The following MFSD12 variants were observed in gnomAD, a reference collection of about 807,000 sequenced individuals.
The protein encoded by MFSD12 is major facilitator superfamily domain containing 12, also known as major facilitator superfamily domain-containing protein 12.
MFSD12 carries 67 observed loss-of-function variants against 51.2 expected under a neutral mutation model. That is an observed-to-expected ratio of 1.31 (90% CI 1.08 to 1.60). The LOEUF (loss-of-function observed/expected upper bound fraction) is 1.60. Ranked by LOEUF, MFSD12 falls within the 40% of genes most tolerant of loss-of-function variation. The pLI is 0.00. For synonymous variants in MFSD12, 441 were observed against 316.7 expected, an observed-to-expected ratio of 1.39 and a Z score of -4.17; for missense variants, 921 against 673.0, an observed-to-expected ratio of 1.37 and a Z score of -4.08.
downstream of MFSD12, chr19:3,543,895 C>T (rs760915025): frequency 3.4e-5 from 53 of 1,550,916 alleles, no homozygotes; most frequent in African/African-American, 1.4e-4. Context: ...CCCTCCCTGT[C>T]GGCACCCCAG....
At chr19:3,544,180 A>C, downstream of MFSD12, 1 of 1,367,386 alleles carries the variant, frequency 7.3e-7, no homozygotes, top group Non-Finnish European at 9.5e-7. Flanking sequence ...GCCCCCCCGC[A>C]GGCAGACAGG....
Position 3,544,245 on chromosome 19 carries a change from C to A in MFSD12, c.*465G>T. 1 of 1,276,162 alleles carries A rather than the reference C, an allele frequency of 7.8e-7. No individual in the cohort carries two copies. The highest frequency in any genetic ancestry group is 9.9e-7 in the Non-Finnish European group (1 of 1,009,900). 79.1% of individuals were successfully genotyped at this position (1,276,162 alleles called of 1,614,324 possible). ...TGCCAGCAGAGTCCACCAAGCCTGC[C>A]GGGCAGCCCTGCTGCCCACCACGGT... On this transcript the variant is annotated 3_prime_UTR_variant, in exon 10 of 10. Coordinates refer to ENST00000355415, the MANE Select transcript of MFSD12 (RefSeq NM_174983.5).
intron 2 of MFSD12, among the ~76,000 whole-genome samples, chr19:3,549,186 C>T (rs576606467): frequency 4.6e-5 from 7 of 152,286 alleles, no homozygotes; most frequent in African/African-American, 1.4e-4. Flanking sequence ...CCTCTTCCAG[C>T]GCCTCTAGCA....
At chr19:3,550,852 C>G (rs1382538488) in intron 2 of MFSD12, 132 bp downstream of exon 2, 1 of 760,944 alleles carries the variant, frequency 1.3e-6, no homozygotes, top group Non-Finnish European at 2.1e-6. Flanking sequence ...GACCCCCTTT[C>G]AAAAAAATAA....
intron 2 of MFSD12, among the ~76,000 whole-genome samples, chr19:3,548,544 A>C (rs905557833): frequency 1.3e-5 from 2 of 152,174 alleles, no homozygotes; most frequent in Admixed American, 6.5e-5. Flanking sequence ...CTACAACCCA[A>C]AAGTCTGAGA....
chr19:3,549,541 G>A (rs558863625), intron 2 of MFSD12, among the ~76,000 whole-genome samples: 62 of 151,636 alleles, frequency 4.1e-4, no homozygotes, highest in Non-Finnish European at 6.0e-4. Context: ...TGGCCAAGAC[G>A]GTGAAATCCC....
intron 2 of MFSD12, 73 bp downstream of exon 2, chr19:3,550,908 CATT>C (rs1356151571): frequency 7.9e-7 from 1 of 1,271,014 alleles, no homozygotes; most frequent in Admixed American, 2.0e-5. Context: ...TGTGGCCGCT[CATT>C]ATGCAGTGCC....
chr19:3,546,890 G>A (rs926217346), intron 6 of MFSD12, among the ~76,000 whole-genome samples: 135 of 152,230 alleles, frequency 8.9e-4, no homozygotes, highest in Admixed American at 1.7e-3. Context: ...CTGGAGTGCA[G>A]TGGTGTGATC....
In MFSD12 at chr19:3,544,291, C is replaced by A. The variant is rs1599818381; in HGVS notation, c.*419G>T. ...ACGGTGGGGTCCAGGCCCAGCCCAC[C>A]ACCCCGTGGCTGTCTCCTCCAGGCT... On this transcript the variant is annotated 3_prime_UTR_variant, in exon 10 of 10. Transcript: ENST00000355415. The A allele has an allele frequency of 7.8e-7, 1 of 1,285,514 alleles. No homozygotes were observed. Among genetic ancestry groups the A allele is most frequent in the African/African-American group, 1.5e-5 (1 of 65,992 alleles). The allele number at this position is 1,285,514 out of a possible 1,614,324, so 79.6% of individuals were successfully genotyped here. A position where few individuals can be genotyped will look rare whatever the true frequency, so the allele number is the denominator to read the frequency against.
Position 3,548,004 on chromosome 19 carries a change from G to A in MFSD12, c.681C>T (p.Val227=), listed in dbSNP as rs202086050. Residue 227 remains valine, a synonymous_variant, in exon 4 of 10, where the codon GTC becomes GTT. Coordinates refer to ENST00000355415, the MANE Select transcript of MFSD12 (RefSeq NM_174983.5). ...GGAATAGCAGTGAGAACACGGCGCC[G>A]ACACCCACCACCAGCAGGGACAGGT... ...FRNLSLLVVG[V]GAVFSLLFHL... 111 of 1,598,980 alleles carry A rather than the reference G, an allele frequency of 6.9e-5. No homozygotes were observed. The highest frequency in any genetic ancestry group is 1.5e-4 in the African/African-American group (11 of 74,872).
downstream of MFSD12, chr19:3,542,821 C>T (rs779010014): frequency 2.2e-6 from 3 of 1,373,898 alleles, no homozygotes; most frequent in South Asian, 1.1e-5. Flanking sequence ...TGGCTTAGTG[C>T]CAGCCCCAGA....
In MFSD12 at chr19:3,547,442, C is replaced by A; in HGVS notation, c.930+13G>T. 1 of 1,612,768 alleles carries A rather than the reference C, an allele frequency of 6.2e-7. No individual in the cohort carries two copies. Among genetic ancestry groups the A allele is most frequent in the East Asian group, 2.2e-5 (1 of 44,846 alleles). On this transcript the variant is annotated intron_variant, in intron 5 of 9. Coordinates refer to ENST00000355415, the MANE Select transcript of MFSD12 (RefSeq NM_174983.5). ...GCCGTCCCATCCCAGCGTCCCCGCC[C>A]CAATCTGCTCACCTTGGGCAGGTGG...
chr19:3,548,149 C>G lies in MFSD12; in HGVS notation c.628G>C (p.Gly210Arg). 6 of 1,605,678 alleles carry G rather than the reference C, an allele frequency of 3.7e-6. No homozygotes were observed. Among genetic ancestry groups the G allele is most frequent in the East Asian group, 2.2e-5 (1 of 44,562 alleles). ...TQDISISDQL[G>R]GQDVPVFRNL... ...CGGAACACGGGCACGTCCTGGCCCC[C>G]CAGCTGGTCGCTGATGCTGATGTCT... is the stretch of plus-strand genomic sequence containing the variant. The change falls in exon 3 of 10, where the codon GGG becomes CGG. Residue 210 changes from glycine to arginine, a missense_variant. Gly to Arg is a moderately radical substitution (Grantham distance 125). Transcript: ENST00000355415.
downstream of MFSD12, among the ~76,000 whole-genome samples, chr19:3,540,597 C>T (rs1047493840): frequency 1.3e-5 from 2 of 151,862 alleles, no homozygotes; most frequent in Non-Finnish European, 2.9e-5. Flanking sequence ...ATCAGCCAGG[C>T]AGCCAGGCGC....
In MFSD12 at chr19:3,546,248, G is replaced by C. The variant is rs1246862448; in HGVS notation, c.1194+7C>G. 1.3e-5 allele frequency: 21 copies of C among 1,609,148 alleles called. No homozygotes were observed. The highest frequency in any genetic ancestry group is 1.6e-5 in the Non-Finnish European group (19 of 1,177,696). ...CTCCCCCACCCCAGCCTGGCTACCAGCCCTACCGTGTGGGGACCGATGAGG... is the reference window on the plus strand; with the variant it reads ...CTCCCCCACCCCAGCCTGGCTACCACCCCTACCGTGTGGGGACCGATGAGG... On this transcript the variant is annotated splice_region_variant and intron_variant, in intron 7 of 9. Coordinates refer to ENST00000355415, the MANE Select transcript of MFSD12 (RefSeq NM_174983.5).
Position 3,551,826 on chromosome 19 carries a change from C to A in MFSD12, c.299-632G>T, listed in dbSNP as rs561958525. ...TGTCCCCTCCGTGCCCTGCCCTGCC[C>A]TTCCCTCTCTCCCCCTTCTCTCTCT... is the stretch of plus-strand genomic sequence containing the variant. On this transcript the variant is annotated intron_variant, in intron 1 of 9. Transcript: ENST00000355415. The surrounding 1 kb of genome is among the most constrained non-coding windows in gnomAD (Gnocchi z 4.6). Among the ~76,000 whole-genome samples the A allele has an allele frequency of 1.2e-3, 185 of 152,304 alleles. 5 individuals carry two copies. The South Asian group carries it at 0.037, about 30-fold the overall frequency.
intron 6 of MFSD12, among the ~76,000 whole-genome samples, chr19:3,546,716 T>G (rs891417341): frequency 6.6e-6 from 1 of 152,238 alleles, no homozygotes; most frequent in South Asian, 2.1e-4. Flanking sequence ...CACGGCCACA[T>G]TTCAAGCCCT....
At chr19:3,556,271 C>A (rs572255037) in intron 1 of MFSD12, among the ~76,000 whole-genome samples, 2 of 152,330 alleles carry the variant, frequency 1.3e-5, no homozygotes, top group Admixed American at 1.3e-4. Flanking sequence ...CGAGCTCAGG[C>A]TAGACAGACT....
rs745353378 is a variant in MFSD12, at chr19:3,547,537, A to C, written c.848T>G (p.Leu283Arg). 57 of 1,610,910 alleles carry C rather than the reference A, an allele frequency of 3.5e-5. No homozygotes were observed. The highest frequency in any genetic ancestry group is 4.7e-5 in the Non-Finnish European group (55 of 1,179,034). Residue 283 changes from leucine (L) to arginine (R), a missense_variant, in exon 5 of 10, where the codon CTG becomes CGG. Leu to Arg is a moderately radical substitution (Grantham distance 102, BLOSUM62 -2). Coordinates refer to ENST00000355415, the MANE Select transcript of MFSD12 (RefSeq NM_174983.5). ...CACGATGAGCCTGGTGGTCATGTAC[A>C]GTATGCCCACCTGTGGGCAGACCGA... Reference protein sequence around the residue: ...REPAFYQVGILYMTTRLIVNL... With the variant: ...REPAFYQVGIRYMTTRLIVNL...
Sources: allele counts gnomAD v4.1 joint callset (sites outside exome capture counted in the v4.1 genomes callset), GRCh38; gene constraint gnomAD v4.1.1; non-coding constraint Gnocchi (gnomAD v3.1); transcripts MANE v1.5; gene names NCBI Gene and HGNC (gene_info 2026-07-23, HGNC 2026-07-21).